The following ATP7B variants were observed in gnomAD, a reference collection of about 807,000 sequenced individuals.
The protein encoded by ATP7B is ATPase copper transporting beta, also known as copper-transporting ATPase 2.
In ATP7B, 113 loss-of-function variants were observed where a neutral mutation model predicts 118.9. The ratio of observed to expected loss-of-function variants is 0.95; its 90% CI spans 0.82 to 1.11. ATP7B has a LOEUF of 1.11. ATP7B is among the 50% of genes most tolerant of loss of function. The pLI is 0.00. For missense variants in ATP7B, 1,867 were observed against 1,871.4 expected, an observed-to-expected ratio of 1.00 and a Z score of 0.04; for synonymous variants, 777 against 727.4, an observed-to-expected ratio of 1.07 and a Z score of -1.10.
intron 1 of ATP7B, among the ~76,000 whole-genome samples, chr13:51,977,954 C>A (rs1463797917): frequency 6.6e-6 from 1 of 152,192 alleles, no homozygotes; most frequent in African/African-American, 2.4e-5. Context: ...CCACCTCGGA[C>A]ACCTACCTGG....
upstream of ATP7B, chr13:52,011,515 G>C (rs1954037437): frequency 9.4e-6 from 7 of 744,514 alleles, no homozygotes; most frequent in African/African-American, 1.7e-5. Flanking sequence ...ATTTGGGACC[G>C]GGGAAGCCGC....
intron 4 of ATP7B, chr13:51,966,736 C>A: frequency 6.3e-7 from 1 of 1,581,176 alleles, no homozygotes; most frequent in Admixed American, 1.8e-5. Flanking sequence ...CCCGCCCGCA[C>A]CCACCATGGC....
chr13:51,943,853 T>A (rs1957485139), intron 14 of ATP7B, among the ~76,000 whole-genome samples: 1 of 152,026 alleles, frequency 6.6e-6, no homozygotes, highest in Non-Finnish European at 1.5e-5. Context: ...CATATCCCAC[T>A]CCTGTTGTTC....
chr13:52,003,746 G>C (rs539435638), intron 1 of ATP7B, among the ~76,000 whole-genome samples: 1 of 152,334 alleles, frequency 6.6e-6, no homozygotes, highest in African/African-American at 2.4e-5. Context: ...GGCCACAGGA[G>C]GAGCTCATGC....
chr13:52,011,936 C>A, upstream of ATP7B: 1 of 300,846 alleles, frequency 3.3e-6, no homozygotes. Context: ...CCGCTCTGCG[C>A]TGCCCCCTCC....
At chr13:51,957,959 G>C in intron 8 of ATP7B, 2 of 458,864 alleles carry the variant, frequency 4.4e-6, no homozygotes, top group South Asian at 4.3e-5. Flanking sequence ...GACAATGAAG[G>C]GTGTTAAAAA....
At chr13:51,970,383 T>C (rs1237771920) in intron 3 of ATP7B, 109 bp downstream of exon 3, 3 of 1,491,300 alleles carry the variant, frequency 2.0e-6, no homozygotes, top group African/African-American at 2.8e-5. Context: ...ATGAACTTGC[T>C]ACCTGGTTAT....
In ATP7B at chr13:51,942,518, A is replaced by G. The variant is rs1397083296; in HGVS notation, c.3280T>C (p.Phe1094Leu). 1 of 1,614,086 alleles carries G rather than the reference A, an allele frequency of 6.2e-7. No individual in the cohort carries two copies. Among genetic ancestry groups the G allele is most frequent in the African/African-American group, 1.3e-5 (1 of 74,930 alleles). Residue 1094 changes from phenylalanine to leucine, a missense_variant, in exon 15 of 21, where the codon TTC (phenylalanine) becomes CTC (leucine). By Grantham distance (22) the Phe-to-Leu change is conservative (BLOSUM62 0). Coordinates refer to ENST00000242839, the MANE Select transcript of ATP7B (RefSeq NM_000053.4). Reference protein sequence around the residue: ...GTETLGYCTDFQAVPGCGIGC... With the variant: ...GTETLGYCTDLQAVPGCGIGC... Reference sequence around the variant, plus strand: ...ATTCCACAGCCTGGCACTGCCTGGAAGTCCGTGCAGTATCCCAAGGTCTCT... The same window carrying G: ...ATTCCACAGCCTGGCACTGCCTGGAGGTCCGTGCAGTATCCCAAGGTCTCT...
At chr13:51,977,185 T>C (rs932776083) in intron 1 of ATP7B, among the ~76,000 whole-genome samples, 8 of 151,918 alleles carry the variant, frequency 5.3e-5, no homozygotes, top group Non-Finnish European at 8.8e-5. Context: ...AATAATTTAT[T>C]AATTAACCTC....
intron 17 of ATP7B, 143 bp from the exon 18 acceptor site, chr13:51,937,822 T>C (rs926652477): frequency 2.0e-5 from 19 of 930,536 alleles, no homozygotes; most frequent in Non-Finnish European, 3.0e-5. Flanking sequence ...AGGTTTGCTG[T>C]CACAGGGCCA....
intron 6 of ATP7B, among the ~76,000 whole-genome samples, chr13:51,960,631 C>T (rs1958673850): frequency 6.6e-6 from 1 of 152,160 alleles, no homozygotes; most frequent in African/African-American, 2.4e-5. Context: ...AGAATCTAGC[C>T]CCAAAGGTGC....
chr13:51,947,507 T>C (rs1429023648), intron 12 of ATP7B, among the ~76,000 whole-genome samples: 5 of 152,196 alleles, frequency 3.3e-5, no homozygotes, highest in African/African-American at 7.2e-5. Flanking sequence ...CACTTACTTA[T>C]AGTAAAAAGC....
intron 9 of ATP7B, among the ~76,000 whole-genome samples, chr13:51,952,201 A>G (rs956407238): frequency 2.0e-5 from 3 of 152,220 alleles, no homozygotes; most frequent in African/African-American, 7.2e-5. Flanking sequence ...GGAGAGGAGA[A>G]GACGGCAGGA....
At chr13:51,968,719 C>A in intron 3 of ATP7B, 112 bp from the exon 4 acceptor site, 2 of 1,316,934 alleles carry the variant, frequency 1.5e-6, no homozygotes. Flanking sequence ...TCTAGAACAG[C>A]AGTTTTCAAA....
intron 1 of ATP7B, chr13:51,975,391 T>A: frequency 1.4e-6 from 1 of 720,134 alleles, no homozygotes; most frequent in South Asian, 1.4e-5. Context: ...CTGTCCTCCT[T>A]AGTGAAATGT....
chr13:51,951,919 A>G (rs1958033397), intron 9 of ATP7B, among the ~76,000 whole-genome samples: 1 of 152,216 alleles, frequency 6.6e-6, no homozygotes. Context: ...GCAATGTTGG[A>G]TTGGGGTATA....
chr13:51,952,654 T>C (rs562949255), intron 9 of ATP7B, among the ~76,000 whole-genome samples: 2 of 152,324 alleles, frequency 1.3e-5, no homozygotes, highest in South Asian at 2.1e-4. Flanking sequence ...TGTACAACTA[T>C]ATAAAACTTA....
intron 2 of ATP7B, among the ~76,000 whole-genome samples, chr13:51,972,712 G>A (rs1192736031): frequency 1.3e-5 from 2 of 152,168 alleles, no homozygotes; most frequent in Non-Finnish European, 2.9e-5. Context: ...TAAAACCCAT[G>A]ATGGTGGCTG....
intron 1 of ATP7B, among the ~76,000 whole-genome samples, chr13:51,982,936 C>T (rs1335046045): frequency 2.0e-5 from 3 of 152,204 alleles, no homozygotes; most frequent in Admixed American, 6.5e-5. Flanking sequence ...GAGATTCCCT[C>T]GGGTGCCTAC....
Sources: gnomAD v4.1 joint callset for allele counts (sites outside exome capture counted in the v4.1 genomes callset) on GRCh38, gnomAD v4.1.1 for gene constraint, MANE v1.5 for transcripts, NCBI Gene and HGNC (gene_info 2026-07-23, HGNC 2026-07-21) for gene names.